CHD1L: variants seen among roughly 807,000 people sequenced by gnomAD.
CHD1L encodes the protein chromodomain helicase DNA binding protein 1 like, also known as ATP-dependent chromatin remodeler CHD1L.
CHD1L carries 118 observed loss-of-function variants against 115.9 expected under a neutral mutation model. The observed-to-expected ratio is 1.02, with a 90% CI of 0.88 to 1.19. The LOEUF is 1.19. Ranked by LOEUF, CHD1L falls within the 50% of genes most tolerant of loss-of-function variation. The pLI is 0.00. For missense variants in CHD1L, 1,179 were observed against 1,065.3 expected (o/e 1.11, Z -1.49); for synonymous variants, 411 against 387.1 (o/e 1.06, Z -0.72).
intron 1 of CHD1L, among the ~76,000 whole-genome samples, chr1:147,243,357 C>G (rs1374163140): frequency 1.3e-5 from 2 of 151,846 alleles, no homozygotes; most frequent in African/African-American, 4.8e-5. Flanking sequence ...CGGACAAACT[C>G]AAGCAAAGCA....
chr1:147,295,316 G>A (rs1298106316), intron 22 of CHD1L, 115 bp from the exon 23 acceptor site: 2 of 729,892 alleles, frequency 2.7e-6, no homozygotes, highest in Non-Finnish European at 4.8e-6. Context: ...TATCGTGAGA[G>A]AATTAAAGCA....
chr1:147,203,949 CAACT>C, the CHD1L span: 6 of 1,324,274 alleles, frequency 4.5e-6, no homozygotes, highest in Non-Finnish European at 6.5e-6. Context: ...GCTGTAGCAC[CAACT>C]GTTTTACAGA....
rs977655088 is a variant in CHD1L, at chr1:147,270,755, G to A, written c.1086-177G>A. On this transcript the variant is annotated intron_variant, in intron 10 of 22. Transcript: ENST00000369258. Reference sequence around the variant, plus strand: ...CTGAGGGATACAGCTACCTGTGGAGGTGTATTCTCATAGAAAGCATTTGGA... The same window carrying A: ...CTGAGGGATACAGCTACCTGTGGAGATGTATTCTCATAGAAAGCATTTGGA... 1.2e-5 allele frequency: 7 copies of A among 577,518 alleles called. No homozygotes were observed. In the African/African-American group the frequency reaches 1.3e-4, roughly 11 times the overall value. The allele number at this position is 577,518 out of a possible 1,614,324, so 35.8% of individuals were successfully genotyped here.
chr1:147,230,589 A>C, the CHD1L span, among the ~76,000 whole-genome samples: 10 of 103,448 alleles, frequency 9.7e-5, no homozygotes, highest in Non-Finnish European at 1.6e-4. Context: ...GAATGGTCCC[A>C]GCTCCTCCTT....
At chr1:147,185,494 C>A in the CHD1L span, among the ~76,000 whole-genome samples, 2 of 152,194 alleles carry the variant, frequency 1.3e-5, no homozygotes, top group South Asian at 2.1e-4. Flanking sequence ...AATACCAGTT[C>A]TCAGTTCTCT....
chr1:147,198,850 C>CAAAAAAAAAAAAA, the CHD1L span, among the ~76,000 whole-genome samples: 4 of 51,746 alleles, frequency 7.7e-5, no homozygotes, highest in Admixed American at 2.5e-4. Flanking sequence ...GACTGCATCT[C>CAAAAAAAAAAAAA]AAAAAAAAAA....
the CHD1L span, among the ~76,000 whole-genome samples, chr1:147,226,514 T>C: frequency 3.6e-4 from 55 of 152,200 alleles, no homozygotes; most frequent in Non-Finnish European, 7.6e-4. Context: ...AATGTAACTT[T>C]TCAAATATAA....
chr1:147,232,709 C>T, the CHD1L span, among the ~76,000 whole-genome samples: 19 of 152,164 alleles, frequency 1.2e-4, no homozygotes, highest in Non-Finnish European at 2.1e-4. Context: ...CTGTGTTGGC[C>T]GGGCTGGTCT....
At chr1:147,244,072 T>C (rs943821357) in intron 1 of CHD1L, among the ~76,000 whole-genome samples, 3 of 152,232 alleles carry the variant, frequency 2.0e-5, no homozygotes, top group East Asian at 3.8e-4. Flanking sequence ...GGTCTTTTTA[T>C]GTTTGACTTT....
At chr1:147,224,978 A>T in the CHD1L span, 20 of 1,614,036 alleles carry the variant, frequency 1.2e-5, no homozygotes, top group Non-Finnish European at 1.7e-5. Flanking sequence ...CACTTGATGG[A>T]AGAGAGCCCG....
chr1:147,276,095 T>G lies in CHD1L; in HGVS notation c.1386-9T>G. The G allele has an allele frequency of 1.2e-6, 2 of 1,613,872 alleles. No individual in the cohort carries two copies. The highest frequency in any genetic ancestry group is 2.2e-5 in the South Asian group (2 of 91,060). ...TATAGCACACTACCCTTGTTTGACT[T>G]ATGTCCAGGTCTGTTAAAGTTATTC... is the stretch of plus-strand genomic sequence containing the variant. On this transcript the variant is annotated splice_polypyrimidine_tract_variant and intron_variant, in intron 13 of 22. Transcript: ENST00000369258.
chr1:147,295,594 T>C lies in CHD1L; in HGVS notation c.*85T>C. On this transcript the variant is annotated 3_prime_UTR_variant, in exon 23 of 23. Transcript: ENST00000369258. ...TGCAATAGAGTATTTCAAAATGGAA[T>C]CAGGATCTGGTGGGCCTCAGAAATT... 2.0e-6 allele frequency: 2 copies of C among 986,470 alleles called. No individual in the cohort carries two copies. The highest frequency in any genetic ancestry group is 2.7e-4 in the Middle Eastern group (1 of 3,650). 61.1% of individuals were successfully genotyped at this position (986,470 alleles called of 1,614,324 possible). A position where few individuals can be genotyped will look rare whatever the true frequency, so the allele number is the denominator to read the frequency against.
intron 15 of CHD1L, among the ~76,000 whole-genome samples, chr1:147,284,023 CAGTG>C (rs1481589816): frequency 3.7e-4 from 57 of 152,282 alleles, no homozygotes; most frequent in African/African-American, 9.9e-4. Context: ...ATCTTAATGT[CAGTG>C]AGATTTGCGC....
chr1:147,179,040 T>C, the CHD1L span: 1 of 1,613,606 alleles, frequency 6.2e-7, no homozygotes, highest in Middle Eastern at 1.6e-4. Context: ...CCTTTAGCCA[T>C]GAACTTTCTG....
Position 147,255,721 on chromosome 1 carries a change from C to T in CHD1L, c.348-92C>T. On this transcript the variant is annotated intron_variant, in intron 3 of 22. Transcript: ENST00000369258. ...AGGACCTCATGAGTTCTGTACATTG[C>T]AATCCTCCCATGAAATGTAATTTTC... The T allele has an allele frequency of 3.6e-6, 3 of 840,028 alleles. No homozygotes were observed. The South Asian group carries it at 5.2e-5, about 15-fold the overall frequency. 52.0% of individuals were successfully genotyped at this position (840,028 alleles called of 1,614,324 possible). A position where few individuals can be genotyped will look rare whatever the true frequency, so the allele number is the denominator to read the frequency against.
At chr1:147,215,493 C>A in the CHD1L span, 1 of 414,530 alleles carries the variant, frequency 2.4e-6, no homozygotes, top group Non-Finnish European at 4.3e-6. Context: ...TTATTGCAAT[C>A]AAATAATGTG....
At chr1:147,224,883 AG>A in the CHD1L span, 14 of 1,612,938 alleles carry the variant, frequency 8.7e-6, no homozygotes, top group Non-Finnish European at 1.1e-5. Flanking sequence ...AGGGACTAGG[AG>A]ATGTATGTAC....
At chr1:147,238,915 A>G (rs947855327), upstream of CHD1L, among the ~76,000 whole-genome samples, 4 of 152,136 alleles carry the variant, frequency 2.6e-5, no homozygotes, top group Non-Finnish European at 4.4e-5. Context: ...GACAGACTTC[A>G]TCTTGGCTCT....
At chr1:147,259,161 G>A (rs1251872875) in intron 5 of CHD1L, 2 of 152,130 alleles carry the variant, frequency 1.3e-5, no homozygotes, top group Non-Finnish European at 2.9e-5. Flanking sequence ...AGTAGTATCT[G>A]TCAAAGTATT....
Sources: gnomAD v4.1 joint callset for allele counts (sites outside exome capture counted in the v4.1 genomes callset) on GRCh38, gnomAD v4.1.1 for gene constraint, MANE v1.5 for transcripts, NCBI Gene and HGNC (gene_info 2026-07-23, HGNC 2026-07-21) for gene names.